MTCL2: variants seen among roughly 807,000 people sequenced by gnomAD.
MTCL2 encodes the protein microtubule cross-linking factor 2.
the MTCL2 span, chr20:36,784,133 G>C: frequency 1.0e-6 from 1 of 985,684 alleles, no homozygotes; most frequent in Admixed American, 6.1e-5. Context: ...AGCCTCCCTG[G>C]CTGTCGCTCT....
chr20:36,809,720 C>T, the MTCL2 span, among the ~76,000 whole-genome samples: 2 of 151,820 alleles, frequency 1.3e-5, 1 homozygote, highest in South Asian at 4.1e-4. Flanking sequence ...GGATTACAGG[C>T]GTGCTAGTGC....
the MTCL2 span, among the ~76,000 whole-genome samples, chr20:36,828,099 G>A: frequency 2.6e-5 from 4 of 152,214 alleles, no homozygotes; most frequent in Non-Finnish European, 5.9e-5. Flanking sequence ...GGCAGGCAGC[G>A]CCTGCAGCGA....
the MTCL2 span, chr20:36,839,232 C>T: frequency 1.2e-6 from 2 of 1,600,776 alleles, no homozygotes; most frequent in Non-Finnish European, 1.7e-6. This position sits in a 1 kb window ranked among gnomAD's most constrained non-coding sequence, Gnocchi z 5.1. Context: ...CATCCTGCTC[C>T]AGACCACGGA....
the MTCL2 span, among the ~76,000 whole-genome samples, chr20:36,849,867 A>T: frequency 1.3e-5 from 2 of 152,114 alleles, no homozygotes; most frequent in Non-Finnish European, 2.9e-5. Context: ...GATGAAAGTG[A>T]CCAAACACCA....
chr20:36,820,448 G>C, the MTCL2 span, among the ~76,000 whole-genome samples: 1 of 152,152 alleles, frequency 6.6e-6, no homozygotes, highest in Non-Finnish European at 1.5e-5. Flanking sequence ...GAAGTGACCA[G>C]CAAAACAAAG....
chr20:36,810,306 C>G, the MTCL2 span, among the ~76,000 whole-genome samples: 1 of 152,174 alleles, frequency 6.6e-6, no homozygotes, highest in Admixed American at 6.5e-5. Flanking sequence ...CATATCAAAT[C>G]TGGCTTTTGT....
chr20:36,800,672 G>T, the MTCL2 span, among the ~76,000 whole-genome samples: 1 of 152,222 alleles, frequency 6.6e-6, no homozygotes, highest in African/African-American at 2.4e-5. Context: ...GAGAACATTA[G>T]GAAGAGGAAA....
At chr20:36,829,623 T>C in the MTCL2 span, among the ~76,000 whole-genome samples, 1 of 143,328 alleles carries the variant, frequency 7.0e-6, no homozygotes. Flanking sequence ...GCTCAAGCAA[T>C]CCTCTCACCT....
At chr20:36,841,720 A>T in the MTCL2 span, among the ~76,000 whole-genome samples, 1 of 152,114 alleles carries the variant, frequency 6.6e-6, no homozygotes, top group African/African-American at 2.4e-5. Context: ...TTGTTTTGAG[A>T]TGGGGTCTCA....
At chr20:36,824,834 G>A in the MTCL2 span, among the ~76,000 whole-genome samples, 6 of 151,710 alleles carry the variant, frequency 4.0e-5, no homozygotes, top group Non-Finnish European at 7.4e-5. Context: ...TTAAATTTTT[G>A]TAGAGACAAG....
chr20:36,790,668 C>T, the MTCL2 span, among the ~76,000 whole-genome samples: 3 of 146,708 alleles, frequency 2.0e-5, no homozygotes, highest in Non-Finnish European at 4.5e-5. Flanking sequence ...AATTCCTGAG[C>T]TCAGGCAATC....
the MTCL2 span, among the ~76,000 whole-genome samples, chr20:36,858,189 C>A: frequency 6.6e-6 from 1 of 152,130 alleles, no homozygotes; most frequent in Non-Finnish European, 1.5e-5. Flanking sequence ...TAATTTAGAG[C>A]CTCCATTTAC....
At chr20:36,794,440 C>T in the MTCL2 span, 1 of 1,613,936 alleles carries the variant, frequency 6.2e-7, no homozygotes, top group Non-Finnish European at 8.5e-7. The surrounding 1 kb of genome is among the most constrained non-coding windows in gnomAD (Gnocchi z 5.4). Flanking sequence ...AGAGCCCAGG[C>T]TTCTCCTTGG....
At chr20:36,789,885 C>T in the MTCL2 span, among the ~76,000 whole-genome samples, 5 of 151,764 alleles carry the variant, frequency 3.3e-5, no homozygotes, top group African/African-American at 7.3e-5. Flanking sequence ...TGCAGTGGTG[C>T]GATATTGGCT....
chr20:36,786,678 C>A, the MTCL2 span: 1 of 1,517,968 alleles, frequency 6.6e-7, no homozygotes, highest in Non-Finnish European at 8.9e-7. Context: ...TCAAGAGGAG[C>A]CAGGAGACAT....
At chr20:36,793,196 C>T in the MTCL2 span, 4 of 1,500,706 alleles carry the variant, frequency 2.7e-6, no homozygotes, top group Non-Finnish European at 3.6e-6. This position sits in a 1 kb window ranked among gnomAD's most constrained non-coding sequence, Gnocchi z 6.8. Flanking sequence ...AGAGCTTGGA[C>T]CTTATATACT....
At chr20:36,786,799 T>C in the MTCL2 span, among the ~76,000 whole-genome samples, 4 of 152,190 alleles carry the variant, frequency 2.6e-5, no homozygotes, top group Non-Finnish European at 4.4e-5. Flanking sequence ...TCTGTTGTTC[T>C]TCTCCCATTA....
At chr20:36,785,451 C>T in the MTCL2 span, 4 of 985,306 alleles carry the variant, frequency 4.1e-6, no homozygotes, top group South Asian at 1.4e-4. Flanking sequence ...TACGTGTTTC[C>T]AGGCCCCAGT....
chr20:36,857,360 GT>G, the MTCL2 span, among the ~76,000 whole-genome samples: 1 of 152,098 alleles, frequency 6.6e-6, no homozygotes, highest in Non-Finnish European at 1.5e-5. Context: ...TAGAATGGGA[GT>G]TGTGTGGCTG....
Sources: allele counts gnomAD v4.1 joint callset (sites outside exome capture counted in the v4.1 genomes callset), GRCh38; gene constraint gnomAD v4.1.1; non-coding constraint Gnocchi (gnomAD v3.1); transcripts MANE v1.5; gene names NCBI Gene and HGNC (gene_info 2026-07-23, HGNC 2026-07-21).